The following STXBP5L variants were observed in gnomAD, a reference collection of about 807,000 sequenced individuals.
STXBP5L encodes the protein syntaxin binding protein 5L.
In STXBP5L, 65 loss-of-function variants were observed where a neutral mutation model predicts 144.5. The observed-to-expected ratio is 0.45, with a 90% CI of 0.37 to 0.55. STXBP5L has a LOEUF of 0.55. STXBP5L is among the 20% of genes least tolerant of loss of function. The pLI is 0.00. For missense variants in STXBP5L, 1,298 were observed against 1,405.5 expected (o/e 0.92, Z 1.22); for synonymous variants, 505 against 469.6 (o/e 1.08, Z -0.97).
chr3:121,209,290 A>C (rs187065908), intron 10 of STXBP5L, among the ~76,000 whole-genome samples: 9 of 152,296 alleles, frequency 5.9e-5, no homozygotes, highest in Non-Finnish European at 8.8e-5. Flanking sequence ...CATAACCAGA[A>C]ATGGGATTGC....
intron 18 of STXBP5L, among the ~76,000 whole-genome samples, chr3:121,270,006 T>G (rs568152805): frequency 6.6e-6 from 1 of 152,214 alleles, no homozygotes; most frequent in Non-Finnish European, 1.5e-5. Flanking sequence ...AAATTGCATA[T>G]CTCACGTTTC....
chr3:121,261,125 T>C (rs959745055), intron 18 of STXBP5L, among the ~76,000 whole-genome samples: 3 of 152,144 alleles, frequency 2.0e-5, no homozygotes, highest in African/African-American at 7.2e-5. Flanking sequence ...TCAGAGACTA[T>C]AAAGATGTGT....
chr3:121,268,967 A>C (rs138316047), intron 18 of STXBP5L, among the ~76,000 whole-genome samples: 1 of 152,198 alleles, frequency 6.6e-6, no homozygotes, highest in African/African-American at 2.4e-5. Flanking sequence ...GGTCTTTATC[A>C]TTCTTCTTCT....
At chr3:121,317,954 G>A (rs2175453) in intron 19 of STXBP5L, among the ~76,000 whole-genome samples, 72,207 of 151,728 alleles carry the variant, frequency 0.48, 17,730 homozygotes, top group East Asian at 0.73. Flanking sequence ...CTCCTGAGAG[G>A]ATATTTGATT....
chr3:121,106,665 C>A (rs1325778236), intron 5 of STXBP5L, among the ~76,000 whole-genome samples: 1 of 152,066 alleles, frequency 6.6e-6, no homozygotes, highest in South Asian at 2.1e-4. Flanking sequence ...TGGGTTGATT[C>A]CATGTCTTTG....
rs2047337092 is a variant in STXBP5L at position 121,420,722 on chromosome 3, A to G, written c.*1625A>G. On this transcript the variant is annotated 3_prime_UTR_variant, in exon 27 of 27. Coordinates refer to ENST00000471454, the MANE Select transcript of STXBP5L (RefSeq NM_001308330.2). ...TTTATCAAGGTCTCATTGGATTTAC[A>G]TTTGTGTTTCTTAAGACTTCACAAT... 6.6e-6 allele frequency: 1 copy of G among 152,138 alleles called. No homozygotes were observed. The highest frequency in any genetic ancestry group is 2.1e-4 in the South Asian group (1 of 4,828). The allele number at this position is 152,138 out of a possible 1,614,324, so 9.4% of individuals were successfully genotyped here.
chr3:121,018,266 A>G (rs1199245710), intron 3 of STXBP5L, among the ~76,000 whole-genome samples: 1 of 152,208 alleles, frequency 6.6e-6, no homozygotes, highest in African/African-American at 2.4e-5. Context: ...CAGAATAACC[A>G]ACACAATCTT....
chr3:121,087,928 C>A (rs897977129), intron 5 of STXBP5L, among the ~76,000 whole-genome samples: 1 of 152,074 alleles, frequency 6.6e-6, no homozygotes, highest in South Asian at 2.1e-4. Flanking sequence ...GAATGAAATG[C>A]AGAGACTTTT....
At chr3:120,974,614 G>T (rs1329971938) in intron 3 of STXBP5L, among the ~76,000 whole-genome samples, 1 of 152,202 alleles carries the variant, frequency 6.6e-6, no homozygotes, top group Non-Finnish European at 1.5e-5. Flanking sequence ...TGAAGTCCTT[G>T]CACATGCCTA....
At chr3:121,118,720 A>AATAT (rs2044334313) in intron 6 of STXBP5L, among the ~76,000 whole-genome samples, 2 of 151,620 alleles carry the variant, frequency 1.3e-5, no homozygotes, top group African/African-American at 4.8e-5. Flanking sequence ...GTGTTGTAGG[A>AATAT]GTGGAGATAA....
intron 11 of STXBP5L, among the ~76,000 whole-genome samples, chr3:121,227,242 A>C (rs1407727805): frequency 6.6e-6 from 1 of 152,222 alleles, no homozygotes; most frequent in Non-Finnish European, 1.5e-5. Flanking sequence ...ACATTTAAGC[A>C]ACAAAAACAT....
intron 3 of STXBP5L, among the ~76,000 whole-genome samples, chr3:121,021,849 C>T (rs1308984312): frequency 6.6e-6 from 1 of 152,014 alleles, no homozygotes; most frequent in Non-Finnish European, 1.5e-5. Context: ...GGTCACACCT[C>T]AAGAAACTAG....
intron 19 of STXBP5L, among the ~76,000 whole-genome samples, chr3:121,313,086 G>C (rs937833507): frequency 6.8e-6 from 1 of 147,552 alleles, no homozygotes; most frequent in Non-Finnish European, 1.5e-5. Flanking sequence ...GGCCGGGCGG[G>C]GGGCTGACCC....
At chr3:121,386,139 T>A (rs1386435723) in intron 22 of STXBP5L, among the ~76,000 whole-genome samples, 1 of 152,136 alleles carries the variant, frequency 6.6e-6, no homozygotes, top group African/African-American at 2.4e-5. Context: ...TCAAACATAA[T>A]CATTATATTT....
chr3:120,966,189 G>A (rs531501175), intron 3 of STXBP5L, among the ~76,000 whole-genome samples: 1 of 152,064 alleles, frequency 6.6e-6, no homozygotes, highest in East Asian at 1.9e-4. Flanking sequence ...CTTATCTTTT[G>A]TCAAGGTTTT....
At chr3:121,055,209 C>A (rs760555393) in intron 5 of STXBP5L, among the ~76,000 whole-genome samples, 5 of 152,016 alleles carry the variant, frequency 3.3e-5, no homozygotes, top group African/African-American at 4.8e-5. Flanking sequence ...ATGATCATAA[C>A]TTATTGGAGG....
chr3:121,214,830 TG>T (rs769659266), intron 10 of STXBP5L, among the ~76,000 whole-genome samples: 3 of 152,162 alleles, frequency 2.0e-5, no homozygotes, highest in Admixed American at 6.5e-5. Flanking sequence ...TATTATTGTG[TG>T]GGAGTCTAAG....
At chr3:121,051,490 G>A (rs745763604) in intron 5 of STXBP5L, among the ~76,000 whole-genome samples, 2 of 152,058 alleles carry the variant, frequency 1.3e-5, no homozygotes, top group Non-Finnish European at 2.9e-5. Context: ...ATGACTACTG[G>A]GTACGTGACG....
rs991651098 is a variant in STXBP5L, at chr3:121,255,010, G to T, written c.1557G>T (p.Met519Ile). 3.7e-6 allele frequency: 6 copies of T among 1,613,500 alleles called. No individual in the cohort carries two copies. The African/African-American group carries it at 8.0e-5, about 22-fold the overall frequency. Residue 519 changes from methionine to isoleucine, a missense_variant, in exon 16 of 27, where the codon ATG becomes ATT. Physicochemically the swap from Met to Ile is conservative, Grantham distance 10 (BLOSUM62 1). Coordinates refer to ENST00000471454, the MANE Select transcript of STXBP5L (RefSeq NM_001308330.2). ...IVEEDPFAIQ[M>I]IYWCPESRIF... ...AGGAAGACCCATTTGCCATTCAGAT[G>T]ATTTACTGGTGTCCAGAGAGCAGAA...
Sources: gnomAD v4.1 joint callset for allele counts (sites outside exome capture counted in the v4.1 genomes callset) on GRCh38, gnomAD v4.1.1 for gene constraint, MANE v1.5 for transcripts, NCBI Gene and HGNC (gene_info 2026-07-23, HGNC 2026-07-21) for gene names.